MYO3B: variants seen among roughly 807,000 people sequenced by gnomAD.
MYO3B encodes myosin IIIB.
In MYO3B, 156 loss-of-function variants were observed where a neutral mutation model predicts 174.6. The ratio of observed to expected loss-of-function variants is 0.89; its 90% CI spans 0.78 to 1.02. The LOEUF (loss-of-function observed/expected upper bound fraction) is 1.02, where lower values mean the gene tolerates loss of function less well. Ranked by LOEUF, MYO3B falls within the 50% of genes least tolerant of loss-of-function variation. The pLI, the probability that MYO3B is intolerant of heterozygous loss-of-function variation, is 0.00. For synonymous variants in MYO3B, 563 were observed against 569.1 expected, an observed-to-expected ratio of 0.99 and a Z score of 0.15; for missense variants, 1,632 against 1,639.4, an observed-to-expected ratio of 1.00 and a Z score of 0.08.
chr2:170,503,222 A>G (rs1048457362), intron 28 of MYO3B, among the ~76,000 whole-genome samples: 9 of 152,254 alleles, frequency 5.9e-5, no homozygotes, highest in African/African-American at 2.2e-4. Context: ...TTCAGTATAC[A>G]GGAATCATAA....
chr2:170,354,589 A>G (rs546600650), intron 8 of MYO3B, among the ~76,000 whole-genome samples: 1 of 152,346 alleles, frequency 6.6e-6, no homozygotes, highest in African/African-American at 2.4e-5. Flanking sequence ...TAACAATAGG[A>G]GTCAAAAGTA....
At chr2:170,492,279 G>A (rs1686541095) in intron 25 of MYO3B, among the ~76,000 whole-genome samples, 1 of 152,194 alleles carries the variant, frequency 6.6e-6, no homozygotes. Flanking sequence ...GTCTTGGATA[G>A]TTTCCTCGTA....
rs1171723101 is a variant in MYO3B, at chr2:170,509,975, T to A, written c.3371-4946T>A. ...CTCAACACGATGAGCCATAGCAGGA[T>A]CACGGTTTGATTTGCTGTGGCCATG... On this transcript the variant is annotated intron_variant, in intron 28 of 34. Coordinates refer to ENST00000408978, the MANE Select transcript of MYO3B (RefSeq NM_138995.5). 2.6e-5 allele frequency among the ~76,000 whole-genome samples: 4 copies of A among 152,158 alleles called. No individual in the cohort carries two copies. In the East Asian group the frequency reaches 7.7e-4, roughly 29 times the overall value.
chr2:170,203,071 G>A (rs2092679117), intron 3 of MYO3B, among the ~76,000 whole-genome samples: 1 of 152,160 alleles, frequency 6.6e-6, no homozygotes, highest in South Asian at 2.1e-4. Flanking sequence ...AAGATATGGA[G>A]AGAAAATACA....
intron 7 of MYO3B, among the ~76,000 whole-genome samples, chr2:170,267,771 G>A (rs775196214): frequency 6.6e-6 from 1 of 152,178 alleles, no homozygotes; most frequent in Non-Finnish European, 1.5e-5. Flanking sequence ...TATTTTCGAG[G>A]ACATAGATGA....
intron 7 of MYO3B, among the ~76,000 whole-genome samples, chr2:170,242,019 A>G (rs955330831): frequency 1.3e-5 from 2 of 152,186 alleles, no homozygotes; most frequent in Non-Finnish European, 1.5e-5. Flanking sequence ...TGTGAAATAT[A>G]AAGGAAAGAA....
chr2:170,370,880 T>C (rs62170809), intron 9 of MYO3B, among the ~76,000 whole-genome samples: 39,192 of 151,170 alleles, frequency 0.26, 5,322 homozygotes, highest in East Asian at 0.37. Context: ...TGTCCAGATC[T>C]ATGCTCTCTC....
chr2:170,404,461 A>T lies in MYO3B; in HGVS notation c.2431+61A>T, dbSNP rs1348829140. ...GAACAAAACTTGGCTTGTGTCATCA[A>T]TTGAGTGTACTTTAATGAATTTACC... is the stretch of plus-strand genomic sequence containing the variant. On this transcript the variant is annotated intron_variant, in intron 20 of 34. Transcript: ENST00000408978. 4 of 1,493,576 alleles carry T rather than the reference A, an allele frequency of 2.7e-6. No individual in the cohort carries two copies. In the East Asian group the frequency reaches 6.9e-5, roughly 26 times the overall value. The allele number at this position is 1,493,576 out of a possible 1,614,324, so 92.5% of individuals were successfully genotyped here.
At chr2:170,508,745 A>T (rs1235689861) in intron 28 of MYO3B, among the ~76,000 whole-genome samples, 1 of 152,208 alleles carries the variant, frequency 6.6e-6, no homozygotes, top group Admixed American at 6.5e-5. Flanking sequence ...TGTCCTAGGC[A>T]TGTGGAGTTT....
At chr2:170,477,191 G>C (rs1685369684) in intron 25 of MYO3B, among the ~76,000 whole-genome samples, 1 of 152,170 alleles carries the variant, frequency 6.6e-6, no homozygotes, top group African/African-American at 2.4e-5. Context: ...CCCCATGTGT[G>C]ATGGTCAGCC....
At chr2:170,179,014 TTAGAGATCAACC>T (rs2092365459) in intron 1 of MYO3B, among the ~76,000 whole-genome samples, 1 of 152,182 alleles carries the variant, frequency 6.6e-6, no homozygotes, top group Non-Finnish European at 1.5e-5. Context: ...GAGATGGAAC[TTAGAGATCAACC>T]TAGAGATCAT....
chr2:170,320,837 G>A (rs1399948636), intron 7 of MYO3B, among the ~76,000 whole-genome samples: 1 of 151,588 alleles, frequency 6.6e-6, no homozygotes, highest in Non-Finnish European at 1.5e-5. Flanking sequence ...TTACCACCTA[G>A]GTATGAAAAA....
chr2:170,563,031 TACACAC>T lies in MYO3B; in HGVS notation c.3733+19070_3733+19075del, dbSNP rs56861648. On this transcript the variant is annotated intron_variant, in intron 32 of 34. Transcript: ENST00000408978. ...ACACTACAAAGTTGTAAAACATGCA[TACACAC>T]ACACACACACACACACACACACACA... Among the ~76,000 whole-genome samples, 719 of 138,664 alleles carry T rather than the reference TACACAC, an allele frequency of 5.2e-3. 4 individuals carry two copies. Among genetic ancestry groups the T allele is most frequent in the African/African-American group, 0.017 (636 of 36,368 alleles). The allele number at this position is 138,664 out of a possible 152,430, so 91.0% of individuals were successfully genotyped here.
chr2:170,569,301 A>G (rs1260580337), intron 32 of MYO3B, among the ~76,000 whole-genome samples: 1 of 152,116 alleles, frequency 6.6e-6, no homozygotes, highest in Non-Finnish European at 1.5e-5. Context: ...CTAGGCAAAA[A>G]AAAGTCTACT....
chr2:170,424,791 A>G (rs1414726103), intron 22 of MYO3B, among the ~76,000 whole-genome samples: 1 of 152,150 alleles, frequency 6.6e-6, no homozygotes, highest in Admixed American at 6.5e-5. Flanking sequence ...TGGAAGTTCA[A>G]TTTAGAGCCA....
At chr2:170,556,893 A>T (rs780218472) in intron 32 of MYO3B, among the ~76,000 whole-genome samples, 1 of 152,222 alleles carries the variant, frequency 6.6e-6, no homozygotes, top group Non-Finnish European at 1.5e-5. Context: ...ATAACATGAT[A>T]TTAAGCATCT....
chr2:170,614,274 A>G (rs1000954435), intron 32 of MYO3B, among the ~76,000 whole-genome samples: 10 of 152,150 alleles, frequency 6.6e-5, no homozygotes, highest in Admixed American at 5.2e-4. Flanking sequence ...CTAGAGTATT[A>G]AGTGAGATAA....
intron 9 of MYO3B, among the ~76,000 whole-genome samples, 155 bp from the exon 10 acceptor site, chr2:170,381,861 G>A (rs2094337792): frequency 6.6e-6 from 1 of 152,208 alleles, no homozygotes; most frequent in Non-Finnish European, 1.5e-5. Context: ...ACAGTGGCAG[G>A]AAAAGCCTGG....
Position 170,444,002 on chromosome 2 carries a change from G to A in MYO3B, c.2686G>A (p.Ala896Thr), listed in dbSNP as rs753999476. 4 of 1,612,960 alleles carry A rather than the reference G, an allele frequency of 2.5e-6. No individual in the cohort carries two copies. Among genetic ancestry groups the A allele is most frequent in the Non-Finnish European group, 2.5e-6 (3 of 1,179,300 alleles). ...CCAGACAAGAGCTAGGATAACAGTGGCCTCAAGTTCTTTGCCTCCACATTT... is the reference window on the plus strand; with the variant it reads ...CCAGACAAGAGCTAGGATAACAGTGACCTCAAGTTCTTTGCCTCCACATTT... ...LAQTRARITV[A>T]SSSLPPHFSA... Residue 896 changes from alanine to threonine, a missense_variant, in exon 23 of 35, where the codon GCC becomes ACC. Physicochemically the swap from Ala to Thr is moderately conservative, Grantham distance 58. Transcript: ENST00000408978.
Sources: allele counts gnomAD v4.1 joint callset (sites outside exome capture counted in the v4.1 genomes callset), GRCh38; gene constraint gnomAD v4.1.1; transcripts MANE v1.5; gene names NCBI Gene and HGNC (gene_info 2026-07-23, HGNC 2026-07-21).